The following PUDP variants were observed in gnomAD, a reference collection of about 807,000 sequenced individuals.
PUDP encodes the protein pseudouridine-5'-phosphatase.
PUDP carries 8 observed loss-of-function variants against 9.4 expected under a neutral mutation model. That is an observed-to-expected ratio of 0.85 (90% CI 0.50 to 1.53). PUDP has a LOEUF of 1.53. PUDP is among the 40% of genes most tolerant of loss of function. The probability of loss-of-function intolerance (pLI) is 0.00; values close to 1 mark genes in which losing one functional copy is unlikely to be tolerated. For synonymous variants in PUDP, 99 were observed against 80.7 expected, an observed-to-expected ratio of 1.23 and a Z score of -1.22; for missense variants, 188 against 189.7, an observed-to-expected ratio of 0.99 and a Z score of 0.05.
intron 3 of PUDP, among the ~76,000 whole-genome samples, chrX:6,848,179 C>T (rs930467424): frequency 8.9e-6 from 1 of 111,956 alleles, no homozygotes; most frequent in Non-Finnish European, 1.9e-5. Flanking sequence ...AATTTATAAA[C>T]ATGCACCACA....
Position 6,941,489 on chromosome X carries a change from C to T in PUDP, c.*247+35644G>A, listed in dbSNP as rs768800451. 1.8e-4 allele frequency among the ~76,000 whole-genome samples: 20 copies of T among 108,703 alleles called. No individual in the cohort carries two copies. In the East Asian group the frequency reaches 5.0e-3, roughly 27 times the overall value. The allele number at this position is 108,703 out of a possible 115,157, so 94.4% of individuals were successfully genotyped here. On this transcript the variant is annotated intron_variant and NMD_transcript_variant, in intron 3 of 3. Coordinates refer to the PUDP transcript ENST00000655425. Reference sequence around the variant, plus strand: ...GACCACAGGTGCACACTACCATGCCCGGCTAATTTTTTAACTTTTTGTAGA... The same window carrying T: ...GACCACAGGTGCACACTACCATGCCTGGCTAATTTTTTAACTTTTTGTAGA...
At chrX:6,914,454 G>A (rs1291851138) in intron 3 of PUDP, among the ~76,000 whole-genome samples, 3 of 111,730 alleles carry the variant, frequency 2.7e-5, no homozygotes, top group African/African-American at 9.8e-5. Context: ...GAAGAACTTG[G>A]TATTTTGACA....
intron 3 of PUDP, among the ~76,000 whole-genome samples, chrX:7,066,611 C>T (rs964041308): frequency 9.0e-6 from 1 of 111,207 alleles, no homozygotes; most frequent in Non-Finnish European, 1.9e-5. Flanking sequence ...AATGCTGGCT[C>T]ACTCGCCGCT....
chrX:7,082,532 G>A (rs1251025989), intron 2 of PUDP, among the ~76,000 whole-genome samples: 3 of 112,235 alleles, frequency 2.7e-5, no homozygotes, highest in African/African-American at 6.5e-5. Flanking sequence ...TGTCATTAAC[G>A]CTGTGTGCCG....
chrX:6,944,463 C>A (rs1431126631), intron 3 of PUDP, among the ~76,000 whole-genome samples: 1 of 109,529 alleles, frequency 9.1e-6, no homozygotes, highest in Non-Finnish European at 1.9e-5. Flanking sequence ...TGAGATACAT[C>A]AGGGACCCCT....
chrX:6,813,192 AAAG>A (rs1926172832), intron 3 of PUDP, among the ~76,000 whole-genome samples: 1 of 111,439 alleles, frequency 9.0e-6, no homozygotes, highest in Non-Finnish European at 1.9e-5. Flanking sequence ...AAGAGAAAAA[AAAG>A]AAGAGAAAAT....
At chrX:7,091,851 C>G (rs1465123509) in intron 2 of PUDP, among the ~76,000 whole-genome samples, 1 of 112,415 alleles carries the variant, frequency 8.9e-6, no homozygotes, top group East Asian at 2.8e-4. Context: ...ATGTATAAAA[C>G]AGCTATTTAA....
At chrX:6,842,726 A>C (rs1569109358) in intron 3 of PUDP, among the ~76,000 whole-genome samples, 1 of 112,258 alleles carries the variant, frequency 8.9e-6, no homozygotes, top group Non-Finnish European at 1.9e-5. Flanking sequence ...AAATAGAACA[A>C]AAGTACCAAA....
Position 6,893,252 on chromosome X carries a change from G to A in PUDP, c.*247+83881C>T, listed in dbSNP as rs62590422. Among the ~76,000 whole-genome samples, 381 of 111,918 alleles carry A rather than the reference G, an allele frequency of 3.4e-3. 2 individuals carry two copies. The highest frequency in any genetic ancestry group is 5.0e-3 in the Non-Finnish European group (265 of 53,184). ...ATGAATTGATGCTGATGCCAAGGAC[G>A]TGACCTTGAACCCGATTTTGGAGGA... On this transcript the variant is annotated intron_variant and NMD_transcript_variant, in intron 3 of 3. Coordinates refer to the PUDP transcript ENST00000655425.
intron 3 of PUDP, among the ~76,000 whole-genome samples, chrX:6,750,282 G>C (rs1925052015): frequency 9.0e-6 from 1 of 111,695 alleles, no homozygotes; most frequent in Non-Finnish European, 1.9e-5. Context: ...CTGGAGTCTT[G>C]GGTCACCCCC....
chrX:6,962,569 C>T (rs1204769350), intron 3 of PUDP, among the ~76,000 whole-genome samples: 2 of 112,364 alleles, frequency 1.8e-5, no homozygotes, highest in South Asian at 3.7e-4. Context: ...TAAGTAATTA[C>T]AGTCTCTTCA....
At chrX:6,777,614 T>C (rs906093239) in intron 3 of PUDP, among the ~76,000 whole-genome samples, 2 of 112,552 alleles carry the variant, frequency 1.8e-5, no homozygotes, top group East Asian at 2.8e-4. Flanking sequence ...TTATTTTCTA[T>C]TTCCTTTTTA....
intron 3 of PUDP, among the ~76,000 whole-genome samples, chrX:6,952,074 T>C (rs1456523864): frequency 2.7e-5 from 3 of 111,624 alleles, no homozygotes; most frequent in Non-Finnish European, 5.6e-5. Flanking sequence ...GGATCACTAT[T>C]TTATTTAGGG....
intron 1 of PUDP, among the ~76,000 whole-genome samples, chrX:7,008,675 T>C (rs777330590): frequency 8.9e-6 from 1 of 112,281 alleles, no homozygotes; most frequent in South Asian, 3.7e-4. Context: ...CTCTTTACCA[T>C]AACCCATGCT....
At chrX:6,835,970 C>T (rs1379152834) in intron 3 of PUDP, among the ~76,000 whole-genome samples, 1 of 110,496 alleles carries the variant, frequency 9.1e-6, no homozygotes, top group Non-Finnish European at 1.9e-5. Context: ...CCACCTGCCT[C>T]GGCCTCCCGA....
rs780979356 is a variant in PUDP at position 7,055,269 on chromosome X, T to A, written c.511-4797A>T. Among the ~76,000 whole-genome samples, 24 of 111,477 alleles carry A rather than the reference T, an allele frequency of 2.2e-4. No individual in the cohort carries two copies. The South Asian group carries it at 8.4e-3, about 39-fold the overall frequency. ...ATTTTCTTTTTTTTTTGTTGTTTTT[T>A]GAGACATAATCTGGCTCTGTCACCC... On this transcript the variant is annotated intron_variant, in intron 3 of 3. Transcript: ENST00000381077.
intron 3 of PUDP, among the ~76,000 whole-genome samples, chrX:6,907,341 T>C (rs1190691400): frequency 9.0e-6 from 1 of 111,602 alleles, no homozygotes; most frequent in Non-Finnish European, 1.9e-5. Context: ...TAAACCTCTT[T>C]CCTTTACAAA....
intron 3 of PUDP, among the ~76,000 whole-genome samples, chrX:6,975,641 G>A (rs1928942403): frequency 9.0e-6 from 1 of 111,465 alleles, no homozygotes; most frequent in African/African-American, 3.3e-5. Flanking sequence ...TGTATGAGGT[G>A]TCTGTTGACC....
chrX:6,775,279 AT>A (rs1369018480), intron 3 of PUDP, among the ~76,000 whole-genome samples: 4 of 111,838 alleles, frequency 3.6e-5, no homozygotes, highest in African/African-American at 1.3e-4. Flanking sequence ...CTAGTAGTTT[AT>A]TTCTCTTTAT....
Sources: allele counts gnomAD v4.1 joint callset (sites outside exome capture counted in the v4.1 genomes callset), GRCh38; gene constraint gnomAD v4.1.1; transcripts MANE v1.5; gene names NCBI Gene and HGNC (gene_info 2026-07-23, HGNC 2026-07-21).